Variants in EPHA7 observed in about 807,000 individuals in gnomAD.
EPHA7 encodes the protein ephrin type-A receptor 7.
A neutral mutation model predicts 112.6 loss-of-function variants in EPHA7; 25 were observed. The observed-to-expected ratio is 0.22, with a 90% CI of 0.16 to 0.31. The LOEUF (loss-of-function observed/expected upper bound fraction) is 0.31, where lower values mean the gene tolerates loss of function less well. EPHA7 is among the 10% of genes least tolerant of loss of function. EPHA7 has a pLI of 1.00. For synonymous variants in EPHA7, 437 were observed against 406.5 expected (o/e 1.07, Z -0.90); for missense variants, 962 against 1,212.6 (o/e 0.79, Z 3.07).
At chr6:93,283,047 T>C (rs998828686) in intron 5 of EPHA7, among the ~76,000 whole-genome samples, 60 of 152,216 alleles carry the variant, frequency 3.9e-4, no homozygotes, top group Middle Eastern at 3.4e-3. Flanking sequence ...GCGGGATCCA[T>C]TGGGTGAAGC....
intron 3 of EPHA7, among the ~76,000 whole-genome samples, chr6:93,395,046 C>T (rs1400528413): frequency 4.6e-5 from 7 of 151,586 alleles, no homozygotes; most frequent in Non-Finnish European, 8.9e-5. Context: ...TTTTACAGTA[C>T]TATGGAAAAT....
rs567388125 is a variant in EPHA7, at chr6:93,409,386, TA to T, written c.832+1114del. ...CAAGCTATTTACTCTTGATATCCTC[TA>T]TTTTTTTATTGTGTAAAACATAAAT... On this transcript the variant is annotated intron_variant, in intron 3 of 16. Transcript: ENST00000369303. Among the ~76,000 whole-genome samples, 499 of 152,106 alleles carry T rather than the reference TA, an allele frequency of 3.3e-3. 4 individuals are homozygous for T. Among genetic ancestry groups the T allele is most frequent in the African/African-American group, 0.011 (474 of 41,486 alleles).
At chr6:93,348,994 T>C (rs1775553167) in intron 5 of EPHA7, among the ~76,000 whole-genome samples, 1 of 151,804 alleles carries the variant, frequency 6.6e-6, no homozygotes, top group Admixed American at 6.6e-5. Context: ...CAGAAACATG[T>C]AATTTTCTCT....
chr6:93,367,718 T>C lies in EPHA7; in HGVS notation c.833-9307A>G, dbSNP rs113248111. On this transcript the variant is annotated intron_variant, in intron 3 of 16. Transcript: ENST00000369303. ...AAGTTCTGAGTCCAGTTTTCCCATA[T>C]ATAAAATAGAGAAAATAATAATAAG... Among the ~76,000 whole-genome samples the C allele has an allele frequency of 6.9e-3, 1,056 of 152,234 alleles. 17 individuals carry two copies. Among genetic ancestry groups the C allele is most frequent in the African/African-American group, 0.024 (1,005 of 41,554 alleles).
chr6:93,350,608 T>C (rs1177412051), intron 5 of EPHA7, among the ~76,000 whole-genome samples: 1 of 152,046 alleles, frequency 6.6e-6, no homozygotes, highest in East Asian at 1.9e-4. Flanking sequence ...AACATAATTC[T>C]TTTTGAGAGA....
At chr6:93,257,617 G>T in intron 11 of EPHA7, 94 bp from the exon 12 acceptor site, 1 of 781,578 alleles carries the variant, frequency 1.3e-6, no homozygotes, top group South Asian at 1.6e-5. Context: ...GTGTTCTTTT[G>T]AAAGAGTGAG....
At chr6:93,394,809 T>C (rs549965) in intron 3 of EPHA7, among the ~76,000 whole-genome samples, 91,564 of 151,566 alleles carry the variant, frequency 0.6, 28,424 homozygotes, top group African/African-American at 0.77. Flanking sequence ...GTCAGATAAT[T>C]ACCTTCCGTG....
chr6:93,288,358 A>T (rs1049147545), intron 5 of EPHA7, among the ~76,000 whole-genome samples: 2 of 152,198 alleles, frequency 1.3e-5, no homozygotes, highest in African/African-American at 2.4e-5. Context: ...TAGAACAGAC[A>T]ATTTTAGACA....
At chr6:93,351,555 C>T (rs561284739) in intron 5 of EPHA7, among the ~76,000 whole-genome samples, 65 of 152,090 alleles carry the variant, frequency 4.3e-4, no homozygotes, top group African/African-American at 1.5e-3. Context: ...TACAGTATCA[C>T]TCACCTATTA....
At chr6:93,399,187 G>A (rs984482177) in intron 3 of EPHA7, among the ~76,000 whole-genome samples, 12 of 152,016 alleles carry the variant, frequency 7.9e-5, no homozygotes, top group African/African-American at 2.4e-4. Flanking sequence ...CGTAAGAGGT[G>A]CCCACTGTTC....
At position 93,258,246 on chromosome 6, in the gene EPHA7, G is replaced by A. The variant is rs768474651; in HGVS notation, c.1963C>T (p.Pro655Ser). ...GEVCSGRLKL[P>S]GKRDVAVAIK... ...GCTACTGCAACATCTCTTTTCCCTG[G>A]AAGTTTCAAACGGCCACTGCAGACT... Residue 655 changes from proline (P) to serine (S), a missense_variant, in exon 11 of 17, where the codon CCA (proline) becomes TCA (serine). This residue lies in a region of EPHA7 where 746 missense variants were observed against 889.2 expected (regional missense o/e 0.84). Transcript: ENST00000369303. 4.3e-6 allele frequency: 7 copies of A among 1,610,990 alleles called. No homozygotes were observed. Among genetic ancestry groups the A allele is most frequent in the Non-Finnish European group, 5.9e-6 (7 of 1,178,404 alleles).
chr6:93,320,675 T>C (rs984649633), intron 5 of EPHA7, among the ~76,000 whole-genome samples: 13 of 152,152 alleles, frequency 8.5e-5, no homozygotes, highest in Admixed American at 8.5e-4. Flanking sequence ...GTATATTTCA[T>C]AATAAAGAAA....
intron 3 of EPHA7, among the ~76,000 whole-genome samples, chr6:93,405,819 A>G (rs1305114122): frequency 0.14 from 7,849 of 55,498 alleles, 239 homozygotes; most frequent in African/African-American, 0.2. Context: ...GTGTGTATAT[A>G]TATATATATA....
At chr6:93,322,083 C>G (rs2127885725) in intron 5 of EPHA7, among the ~76,000 whole-genome samples, 1 of 151,818 alleles carries the variant, frequency 6.6e-6, no homozygotes, top group South Asian at 2.1e-4. Context: ...CTCAATATGT[C>G]ATAAGCTAAG....
intron 5 of EPHA7, among the ~76,000 whole-genome samples, chr6:93,298,086 G>A (rs1321055035): frequency 1.3e-5 from 2 of 151,960 alleles, no homozygotes; most frequent in African/African-American, 4.8e-5. Context: ...TGCCATATTA[G>A]CCACAAAATA....
chr6:93,413,443 A>G (rs1281482074), intron 2 of EPHA7, among the ~76,000 whole-genome samples: 1 of 151,892 alleles, frequency 6.6e-6, no homozygotes, highest in Non-Finnish European at 1.5e-5. Context: ...CTCTATCTCT[A>G]TTTGTTTTAA....
At chr6:93,416,863 C>T (rs1779258022) in intron 1 of EPHA7, among the ~76,000 whole-genome samples, 1 of 144,212 alleles carries the variant, frequency 6.9e-6, no homozygotes, top group Admixed American at 6.9e-5. Context: ...GCTGGCGTCC[C>T]GGGGCTGGGG....
chr6:93,376,158 T>C (rs1777050137), intron 3 of EPHA7, among the ~76,000 whole-genome samples: 1 of 152,112 alleles, frequency 6.6e-6, no homozygotes, highest in Non-Finnish European at 1.5e-5. Flanking sequence ...CTTTTTCTTT[T>C]TTTGAGACAG....
At chr6:93,330,255 C>CCATT (rs1323733097) in intron 5 of EPHA7, among the ~76,000 whole-genome samples, 1 of 151,280 alleles carries the variant, frequency 6.6e-6, no homozygotes, top group African/African-American at 2.4e-5. Flanking sequence ...ATTAGCATAT[C>CCATT]CATTACCTCA....
Sources: gnomAD v4.1 joint callset for allele counts (sites outside exome capture counted in the v4.1 genomes callset) on GRCh38, gnomAD v4.1.1 for gene constraint, gnomAD v4.1.1 regional missense constraint, MANE v1.5 for transcripts, NCBI Gene and HGNC (gene_info 2026-07-23, HGNC 2026-07-21) for gene names.